Variants in IPO11 observed in about 807,000 individuals in gnomAD.
IPO11 encodes the protein importin 11, also known as importin-11.
Under a neutral mutation model 143.2 loss-of-function variants are expected in IPO11, and 66 were observed. That is an observed-to-expected ratio of 0.46 (90% CI 0.38 to 0.57). The LOEUF is 0.57. Among genes scored for constraint, IPO11 ranks in the 20% least tolerant of loss-of-function variants. The probability of loss-of-function intolerance (pLI) is 0.00; values close to 1 mark genes in which losing one functional copy is unlikely to be tolerated. For synonymous variants in IPO11, 385 were observed against 377.8 expected (o/e 1.02, Z -0.22); for missense variants, 1,026 against 1,141.0 (o/e 0.90, Z 1.45).
At chr5:62,517,631 G>A (rs541426042) in intron 20 of IPO11, among the ~76,000 whole-genome samples, 8 of 152,256 alleles carry the variant, frequency 5.3e-5, no homozygotes, top group East Asian at 3.9e-4. Flanking sequence ...TTGAACTGCC[G>A]ACCTCAGGTG....
chr5:62,598,381 TTGCTTGCTTGCTTTCTTTC>T lies in IPO11; in HGVS notation c.2679-3381_2679-3363del, dbSNP rs1745307649. 1.1e-4 allele frequency among the ~76,000 whole-genome samples: 5 copies of T among 45,294 alleles called. 1 individual carries two copies. The highest frequency in any genetic ancestry group is 4.7e-4 in the African/African-American group (5 of 10,620). 29.7% of individuals were successfully genotyped at this position (45,294 alleles called of 152,430 possible). ...GTGAAACGACCCATAAATTGTTTGC[TTGCTTGCTTGCTTTCTTTC>T]TTTCTTTCTTTCTTTCTTTCTTTCT... is the stretch of plus-strand genomic sequence containing the variant. On this transcript the variant is annotated intron_variant, in intron 28 of 29. Transcript: ENST00000325324.
intron 18 of IPO11, among the ~76,000 whole-genome samples, chr5:62,505,686 C>CAA (rs1741531301): frequency 6.6e-6 from 1 of 151,962 alleles, no homozygotes; most frequent in South Asian, 2.1e-4. Flanking sequence ...AGTTCACAGC[C>CAA]AGACATAGGG....
chr5:62,561,237 T>C lies in IPO11; in HGVS notation c.2562T>C (p.Ser854=), dbSNP rs199563900. The C allele has an allele frequency of 1.3e-6, 2 of 1,578,534 alleles. No homozygotes were observed. Among genetic ancestry groups the C allele is most frequent in the East Asian group, 2.3e-5 (1 of 43,792 alleles). The change falls in exon 27 of 30, where the codon TCT becomes TCC. Residue 854 remains serine (S), a synonymous_variant. Coordinates refer to ENST00000325324, the MANE Select transcript of IPO11 (RefSeq NM_016338.5). ...RRKLSALALL[S]LLPSDNSVIQ... is the part of the protein sequence containing the mutation. ...AACTTTCAGCTTTGGCTTTGCTCTC[T>C]CTTCTGCCATCTGATAATAGGTGAG...
chr5:62,566,325 C>G (rs1743938586), intron 27 of IPO11, among the ~76,000 whole-genome samples: 1 of 152,198 alleles, frequency 6.6e-6, no homozygotes, highest in Non-Finnish European at 1.5e-5. Flanking sequence ...GCCATTCTGT[C>G]TGGCATGAGA....
chr5:62,480,442 G>A (rs185070105), intron 9 of IPO11, among the ~76,000 whole-genome samples: 1 of 152,242 alleles, frequency 6.6e-6, no homozygotes, highest in Non-Finnish European at 1.5e-5. Context: ...GGTTCCAAAT[G>A]AACTTTAAAG....
chr5:62,514,298 C>T (rs1472972653), intron 19 of IPO11, among the ~76,000 whole-genome samples: 7 of 152,102 alleles, frequency 4.6e-5, no homozygotes, highest in Non-Finnish European at 1.0e-4. Flanking sequence ...CCAGCCTGGG[C>T]ACCATTGAGC....
At chr5:62,451,651 A>G (rs1435456063) in intron 4 of IPO11, 79 bp from the exon 5 acceptor site, 1 of 1,069,666 alleles carries the variant, frequency 9.3e-7, no homozygotes, top group Non-Finnish European at 1.4e-6. Context: ...CAAGTGTATA[A>G]TTAACAAGGT....
chr5:62,433,079 C>G (rs953209556), intron 1 of IPO11, among the ~76,000 whole-genome samples: 1 of 151,322 alleles, frequency 6.6e-6, no homozygotes, highest in Non-Finnish European at 1.5e-5. Context: ...TAAATTATTT[C>G]ACTGTGGGAA....
chr5:62,531,928 TCTA>T (rs1742561185), intron 22 of IPO11, among the ~76,000 whole-genome samples: 1 of 152,164 alleles, frequency 6.6e-6, no homozygotes, highest in South Asian at 2.1e-4. Flanking sequence ...TAGGTGTTGA[TCTA>T]CTAGAAAAAG....
intron 5 of IPO11, among the ~76,000 whole-genome samples, chr5:62,458,597 C>T (rs970948021): frequency 1.9e-4 from 29 of 152,144 alleles, no homozygotes; most frequent in African/African-American, 6.5e-4. Flanking sequence ...CACTGCGCCC[C>T]GCCTATATTG....
At chr5:62,426,931 G>GTTTTTTTTTTTTTTT (rs763031944) in intron 1 of IPO11, among the ~76,000 whole-genome samples, 5 of 90,244 alleles carry the variant, frequency 5.5e-5, no homozygotes, top group East Asian at 3.4e-4. Flanking sequence ...TTTTCTTTCT[G>GTTTTTTTTTTTTTTT]TTTTTTTTTT....
At chr5:62,545,630 A>G (rs1270233955) in intron 24 of IPO11, among the ~76,000 whole-genome samples, 2 of 152,348 alleles carry the variant, frequency 1.3e-5, no homozygotes, top group South Asian at 2.1e-4. Context: ...GCGCTTCTGC[A>G]CAGCAAAGGA....
intron 28 of IPO11, among the ~76,000 whole-genome samples, chr5:62,601,045 A>G (rs1167319028): frequency 6.6e-6 from 1 of 152,224 alleles, no homozygotes; most frequent in African/African-American, 2.4e-5. Flanking sequence ...GCCACTGTTT[A>G]TTGGTTAGGA....
chr5:62,441,578 C>T (rs566457263), intron 2 of IPO11, among the ~76,000 whole-genome samples: 1 of 130,094 alleles, frequency 7.7e-6, no homozygotes, highest in African/African-American at 2.9e-5. Context: ...TGCAGTGGTG[C>T]GATCTCTGCT....
At chr5:62,536,528 G>C (rs979735626) in intron 22 of IPO11, among the ~76,000 whole-genome samples, 174 bp from the exon 23 acceptor site, 3 of 152,046 alleles carry the variant, frequency 2.0e-5, no homozygotes, top group Non-Finnish European at 4.4e-5. Flanking sequence ...TACCCTTTAA[G>C]TCCTAGTGAT....
At chr5:62,508,104 C>G (rs1052426266) in intron 19 of IPO11, among the ~76,000 whole-genome samples, 1 of 152,012 alleles carries the variant, frequency 6.6e-6, no homozygotes, top group Non-Finnish European at 1.5e-5. Flanking sequence ...GTCCATGAGG[C>G]AGCAAACTTT....
At chr5:62,532,705 C>G (rs750549749) in intron 22 of IPO11, among the ~76,000 whole-genome samples, 1 of 152,106 alleles carries the variant, frequency 6.6e-6, no homozygotes, top group African/African-American at 2.4e-5. Context: ...ATGCATATTT[C>G]TTACCAAATC....
intron 9 of IPO11, among the ~76,000 whole-genome samples, chr5:62,478,446 C>T (rs990488340): frequency 6.6e-6 from 1 of 152,116 alleles, no homozygotes; most frequent in Non-Finnish European, 1.5e-5. Flanking sequence ...GGATTACAGG[C>T]GTGAGCCACC....
At chr5:62,625,390 TAAGC>T (rs1746529091) in intron 29 of IPO11, among the ~76,000 whole-genome samples, 1 of 152,214 alleles carries the variant, frequency 6.6e-6, no homozygotes, top group Non-Finnish European at 1.5e-5. Context: ...ATTTTAAAAT[TAAGC>T]AATACTGAGC....
Sources: allele counts gnomAD v4.1 joint callset (sites outside exome capture counted in the v4.1 genomes callset), GRCh38; gene constraint gnomAD v4.1.1; transcripts MANE v1.5; gene names NCBI Gene and HGNC (gene_info 2026-07-23, HGNC 2026-07-21).